CLASP1: variants seen among roughly 807,000 people sequenced by gnomAD.
CLASP1 encodes the protein CLIP-associating protein 1.
Under a neutral mutation model 192.3 loss-of-function variants are expected in CLASP1, and 38 were observed. The observed-to-expected ratio is 0.20, with a 90% CI of 0.15 to 0.26. The LOEUF (loss-of-function observed/expected upper bound fraction) is 0.26. Ranked by LOEUF, CLASP1 falls within the 10% of genes least tolerant of loss-of-function variation. The probability of loss-of-function intolerance (pLI) is 1.00; values close to 1 mark genes in which losing one functional copy is unlikely to be tolerated. For synonymous variants in CLASP1, 691 were observed against 712.8 expected, an observed-to-expected ratio of 0.97 and a Z score of 0.49; for missense variants, 1,433 against 1,932.5, an observed-to-expected ratio of 0.74 and a Z score of 4.85.
intron 37 of CLASP1, among the ~76,000 whole-genome samples, chr2:121,362,312 C>G (rs9653406): frequency 0.19 from 28,450 of 152,214 alleles, 4,786 homozygotes; most frequent in African/African-American, 0.45. Flanking sequence ...TCCCCATTCT[C>G]TGTAGGCTTC....
intron 23 of CLASP1, among the ~76,000 whole-genome samples, chr2:121,417,874 A>C (rs1337987015): frequency 1.3e-5 from 2 of 152,232 alleles, no homozygotes; most frequent in African/African-American, 4.8e-5. Context: ...TACATAGTTA[A>C]AATTAACAGA....
At chr2:121,410,765 T>G (rs2077586654) in intron 24 of CLASP1, 101 bp downstream of exon 25, 1 of 624,372 alleles carries the variant, frequency 1.6e-6, no homozygotes, top group Admixed American at 3.6e-5. Context: ...GTTTCAAAGA[T>G]GAATTCATAA....
intron 2 of CLASP1, among the ~76,000 whole-genome samples, chr2:121,557,787 A>G (rs2058709514): frequency 6.6e-6 from 1 of 151,838 alleles, no homozygotes; most frequent in Non-Finnish European, 1.5e-5. Flanking sequence ...AAAAAAGAAT[A>G]CCTATTATGT....
chr2:121,425,490 T>C (rs1440491844), intron 21 of CLASP1, among the ~76,000 whole-genome samples, 184 bp from the exon 22 acceptor site: 1 of 152,168 alleles, frequency 6.6e-6, no homozygotes, highest in African/African-American at 2.4e-5. Context: ...TTGAATATCA[T>C]AAAAGAATAT....
At chr2:121,367,701 C>T in exon 35 of CLASP1, 2 of 1,613,990 alleles carry the variant, frequency 1.2e-6, no homozygotes, top group Non-Finnish European at 1.7e-6. Flanking sequence ...CGCCCGCGGC[C>T]CCGGGAAGGC....
chr2:121,568,026 A>C (rs572056544), intron 2 of CLASP1, among the ~76,000 whole-genome samples: 2 of 152,320 alleles, frequency 1.3e-5, no homozygotes, highest in East Asian at 3.9e-4. Context: ...AGAAAGATCA[A>C]GGCTTTATAC....
chr2:121,520,132 C>T lies in CLASP1; in HGVS notation c.547-4370G>A, dbSNP rs532691857. Among the ~76,000 whole-genome samples, 5 of 152,292 alleles carry T rather than the reference C, an allele frequency of 3.3e-5. No homozygotes were observed. The South Asian group carries it at 1.0e-3, about 32-fold the overall frequency. On this transcript the variant is annotated intron_variant, in intron 6 of 39. Transcript: ENST00000263710. ...CACTGCACACTGGAGGGTGTAGAGGCTGGCAAGGTTAGTCACCTGCCCAAT... is the reference window on the plus strand; with the variant it reads ...CACTGCACACTGGAGGGTGTAGAGGTTGGCAAGGTTAGTCACCTGCCCAAT...
intron 8 of CLASP1, among the ~76,000 whole-genome samples, chr2:121,482,055 G>A (rs570356457): frequency 2.0e-5 from 3 of 152,276 alleles, no homozygotes; most frequent in Admixed American, 6.5e-5. Context: ...GATGTGACCC[G>A]TACTACGTGG....
intron 19 of CLASP1, among the ~76,000 whole-genome samples, chr2:121,443,686 C>CT (rs2083783815): frequency 6.6e-6 from 1 of 152,136 alleles, no homozygotes; most frequent in Non-Finnish European, 1.5e-5. Flanking sequence ...ACCAGTGAGG[C>CT]TTATTAGAAA....
At chr2:121,418,669 C>T (rs757346087) in exon 23 of CLASP1, 19 of 1,613,766 alleles carry the variant, frequency 1.2e-5, no homozygotes, top group South Asian at 2.2e-5. Context: ...GCTGCTCTCA[C>T]GGCTGGTATC....
intron 34 of CLASP1, among the ~76,000 whole-genome samples, chr2:121,376,637 T>C (rs1298293623): frequency 6.6e-6 from 1 of 152,150 alleles, no homozygotes; most frequent in Non-Finnish European, 1.5e-5. Context: ...CCCCAGACCA[T>C]AGACTGGTAT....
chr2:121,484,917 C>T lies in CLASP1; in HGVS notation c.713-14957G>A, dbSNP rs148818259. ...GGCACTTTACTAGTTCCTGGGAATACAGTATGAATAAAACATTCATGCTAA... is the reference window on the plus strand; with the variant it reads ...GGCACTTTACTAGTTCCTGGGAATATAGTATGAATAAAACATTCATGCTAA... On this transcript the variant is annotated intron_variant, in intron 8 of 39. Transcript: ENST00000263710. Among the ~76,000 whole-genome samples, 556 of 152,234 alleles carry T rather than the reference C, an allele frequency of 3.7e-3. 5 individuals carry two copies. Among genetic ancestry groups the T allele is most frequent in the African/African-American group, 0.013 (522 of 41,558 alleles).
intron 2 of CLASP1, 73 bp from the exon 3 acceptor site, chr2:121,530,398 G>A (rs1315876181): frequency 1.4e-5 from 18 of 1,254,132 alleles, no homozygotes; most frequent in Non-Finnish European, 1.7e-5. Context: ...CCGCTCCGGG[G>A]AGGCCTAGAC....
At chr2:121,629,376 C>A (rs1044642910) in intron 1 of CLASP1, among the ~76,000 whole-genome samples, 1 of 151,198 alleles carries the variant, frequency 6.6e-6, no homozygotes, top group African/African-American at 2.4e-5. Context: ...GGTGATAAAG[C>A]GAGACTCCAT....
chr2:121,537,004 G>A (rs1313730657), intron 2 of CLASP1, among the ~76,000 whole-genome samples: 1 of 152,174 alleles, frequency 6.6e-6, no homozygotes, highest in Non-Finnish European at 1.5e-5. Context: ...TGAAGCTTGT[G>A]TTATGGGGCA....
intron 8 of CLASP1, among the ~76,000 whole-genome samples, chr2:121,478,867 CA>C (rs2092194356): frequency 8.4e-5 from 6 of 71,602 alleles, no homozygotes; most frequent in African/African-American, 3.1e-4. Context: ...ACACCACACA[CA>C]CACCACACCA....
intron 37 of CLASP1, among the ~76,000 whole-genome samples, chr2:121,351,047 G>C (rs1011566438): frequency 7.2e-5 from 11 of 152,180 alleles, no homozygotes; most frequent in Admixed American, 3.9e-4. Flanking sequence ...CAGGGTGGAA[G>C]GTGGCAGGGC....
chr2:121,482,229 CAG>C (rs1249342291), intron 8 of CLASP1, among the ~76,000 whole-genome samples: 1 of 152,122 alleles, frequency 6.6e-6, no homozygotes, highest in Non-Finnish European at 1.5e-5. Flanking sequence ...GAACTCCTGA[CAG>C]GGGATAATGA....
chr2:121,507,584 A>G (rs565306506), intron 7 of CLASP1, among the ~76,000 whole-genome samples: 23 of 152,220 alleles, frequency 1.5e-4, no homozygotes, highest in Non-Finnish European at 2.6e-4. Flanking sequence ...TCAGGCATCT[A>G]CCACGTTGAA....
Sources: allele counts gnomAD v4.1 joint callset (sites outside exome capture counted in the v4.1 genomes callset), GRCh38; gene constraint gnomAD v4.1.1; transcripts MANE v1.5; gene names NCBI Gene and HGNC (gene_info 2026-07-23, HGNC 2026-07-21).